The following SHROOM3 variants were observed in gnomAD, a reference collection of about 807,000 sequenced individuals.
SHROOM3 encodes protein Shroom3.
Under a neutral mutation model 138.6 loss-of-function variants are expected in SHROOM3, and 47 were observed. The ratio of observed to expected loss-of-function variants is 0.34; its 90% CI spans 0.27 to 0.43. The LOEUF (loss-of-function observed/expected upper bound fraction) is 0.43, where lower values mean the gene tolerates loss of function less well. Ranked by LOEUF, SHROOM3 falls within the 20% of genes least tolerant of loss-of-function variation. The pLI, the probability that SHROOM3 is intolerant of heterozygous loss-of-function variation, is 1.00. For synonymous variants in SHROOM3, 1,062 were observed against 1,063.3 expected, an observed-to-expected ratio of 1.00 and a Z score of 0.02; for missense variants, 2,491 against 2,596.5, an observed-to-expected ratio of 0.96 and a Z score of 0.88.
intron 2 of SHROOM3, among the ~76,000 whole-genome samples, chr4:76,589,899 A>G (rs1157744231): frequency 1.3e-5 from 2 of 152,154 alleles, no homozygotes; most frequent in Non-Finnish European, 2.9e-5. Flanking sequence ...TCATTATCCT[A>G]GTGTGGAAGA....
At chr4:76,481,086 A>T (rs1288354171) in intron 1 of SHROOM3, among the ~76,000 whole-genome samples, 1 of 152,182 alleles carries the variant, frequency 6.6e-6, no homozygotes, top group Non-Finnish European at 1.5e-5. Context: ...GAGAAGCAAG[A>T]GCAAACAAAT....
intron 2 of SHROOM3, among the ~76,000 whole-genome samples, chr4:76,617,392 A>T (rs559209034): frequency 6.6e-6 from 1 of 152,256 alleles, no homozygotes; most frequent in Non-Finnish European, 1.5e-5. Flanking sequence ...TAAAGAATTT[A>T]TTTAATTCAC....
intron 2 of SHROOM3, among the ~76,000 whole-genome samples, chr4:76,581,055 T>C: frequency 1.3e-5 from 2 of 152,324 alleles, no homozygotes; most frequent in Non-Finnish European, 2.9e-5. Context: ...TGCTAGTTTG[T>C]GTTCCACAAT....
At chr4:76,437,321 C>T (rs547514056) in intron 1 of SHROOM3, among the ~76,000 whole-genome samples, 75 of 152,250 alleles carry the variant, frequency 4.9e-4, no homozygotes, top group African/African-American at 1.7e-3. Flanking sequence ...AAATTCAAAA[C>T]CGAGTTTATA....
intron 1 of SHROOM3, among the ~76,000 whole-genome samples, chr4:76,444,306 A>T (rs1229714801): frequency 2.0e-5 from 3 of 150,380 alleles, no homozygotes; most frequent in South Asian, 2.1e-4. Flanking sequence ...GTATATATAT[A>T]TTTTCATTTT....
chr4:76,453,016 C>T (rs1203201420), intron 1 of SHROOM3, among the ~76,000 whole-genome samples: 2 of 152,094 alleles, frequency 1.3e-5, no homozygotes, highest in Non-Finnish European at 2.9e-5. Context: ...CCGTGCCCAG[C>T]CTAGATATAT....
Position 76,756,509 on chromosome 4 carries a change from T to C in SHROOM3, c.4770T>C (p.His1590=), listed in dbSNP as rs1721819718. The change falls in exon 8 of 11, where the codon CAT becomes CAC. Residue 1590 remains histidine, a synonymous_variant. Coordinates refer to ENST00000296043, the MANE Select transcript of SHROOM3 (RefSeq NM_020859.4). ...AAAGGCACATGCCTGGTGCAGCCCA[T>C]GTGGTAGGTAGTCAGACACTGGCTT... ...ARERHMPGAA[H]VVGSQTLASR... is the part of the protein sequence containing the mutation. 19 of 1,613,368 alleles carry C rather than the reference T, an allele frequency of 1.2e-5. No homozygotes were observed. The highest frequency in any genetic ancestry group is 1.5e-5 in the Non-Finnish European group (18 of 1,179,932).
chr4:76,756,078 A>T (rs1721801046), intron 7 of SHROOM3, among the ~76,000 whole-genome samples: 1 of 152,154 alleles, frequency 6.6e-6, no homozygotes, highest in Non-Finnish European at 1.5e-5. Context: ...CAACCTCCTG[A>T]CCAGCTGCTG....
At chr4:76,484,243 A>G (rs1731680369) in intron 1 of SHROOM3, among the ~76,000 whole-genome samples, 2 of 152,146 alleles carry the variant, frequency 1.3e-5, no homozygotes, top group African/African-American at 4.8e-5. Flanking sequence ...CTCATTATGA[A>G]CAGGAAATAG....
chr4:76,626,857 G>A (rs1735159926), intron 2 of SHROOM3, among the ~76,000 whole-genome samples: 1 of 152,140 alleles, frequency 6.6e-6, no homozygotes, highest in Admixed American at 6.5e-5. Flanking sequence ...CTCAGGCATT[G>A]GATGTTTGTA....
chr4:76,436,085 T>A lies in SHROOM3; in HGVS notation c.33T>A (p.Pro11=), dbSNP rs1311914735. The A allele has an allele frequency of 5.0e-6, 8 of 1,614,050 alleles. No homozygotes were observed. In the East Asian group the frequency reaches 1.8e-4, roughly 36 times the overall value. The stretch of plus-strand genomic sequence containing the variant: ...GGACCACTGAAGACTTCCACAAGCC[T>A]AGTGCCACATTAAACTCTAACACGG... MMRTTEDFHK[P]SATLNSNTAT... is the part of the protein sequence containing the mutation. The change falls in exon 1 of 11, where the codon CCT becomes CCA. Residue 11 remains proline, a synonymous_variant. Coordinates refer to ENST00000296043, the MANE Select transcript of SHROOM3 (RefSeq NM_020859.4).
At chr4:76,713,103 G>A (rs143045067) in intron 3 of SHROOM3, among the ~76,000 whole-genome samples, 1 of 152,338 alleles carries the variant, frequency 6.6e-6, no homozygotes, top group East Asian at 1.9e-4. Flanking sequence ...GTGAGTGAAC[G>A]TGAAGGCCGG....
intron 1 of SHROOM3, among the ~76,000 whole-genome samples, chr4:76,445,799 A>C (rs1012047477): frequency 6.6e-6 from 1 of 152,114 alleles, no homozygotes; most frequent in Non-Finnish European, 1.5e-5. Context: ...GGAGGTTTTT[A>C]GTACTGGCTC....
rs756383433 is a variant in SHROOM3, at chr4:76,740,492, G to T, written c.2319G>T (p.Gln773His). The T allele has an allele frequency of 3.1e-6, 5 of 1,613,114 alleles. No individual in the cohort carries two copies. In the African/African-American group the frequency reaches 5.3e-5, roughly 17 times the overall value. The change falls in exon 5 of 11, where the codon CAG becomes CAT. Residue 773 changes from glutamine (Q) to histidine (H), a missense_variant. By Grantham distance (24) the Gln-to-His change is conservative. This residue lies in a region of SHROOM3 where 1,733 missense variants were observed against 1,661.6 expected (regional missense o/e 1.04). Transcript: ENST00000296043. The surrounding 1 kb of genome is among the most constrained non-coding windows in gnomAD (Gnocchi z 4.0). ...PGSASALQGFQYGKPHCSVLE... is the reference protein window; with the variant it reads ...PGSASALQGFHYGKPHCSVLE... Reference sequence around the variant, plus strand: ...GCGCCTCGGCTCTTCAGGGCTTTCAGTACGGGAAGCCCCACTGCTCGGTGC... The same window carrying T: ...GCGCCTCGGCTCTTCAGGGCTTTCATTACGGGAAGCCCCACTGCTCGGTGC...
chr4:76,708,160 T>C (rs1456730784), intron 2 of SHROOM3, among the ~76,000 whole-genome samples: 2 of 152,198 alleles, frequency 1.3e-5, no homozygotes, highest in African/African-American at 4.8e-5. Context: ...TGCTGGTCTC[T>C]GCTTTTCTAG....
chr4:76,779,014 A>G lies in SHROOM3; in HGVS notation c.5828A>G (p.Lys1943Arg). ...CAACGGAAGCTGGATGACAAGATCA[A>G]GCTGGGCCAGGAGCAGGTCAAGTGT... Reference protein sequence around the residue: ...IEQRKLDDKIKLGQEQVKCLL... With the variant: ...IEQRKLDDKIRLGQEQVKCLL... The change falls in exon 11 of 11, where the codon AAG (lysine) becomes AGG (arginine). Residue 1943 changes from lysine (K) to arginine (R), a missense_variant. Lys to Arg is a conservative substitution (Grantham distance 26, BLOSUM62 2). Transcript: ENST00000296043. 6.2e-7 allele frequency: 1 copy of G among 1,614,240 alleles called. No individual in the cohort carries two copies.
intron 2 of SHROOM3, among the ~76,000 whole-genome samples, chr4:76,676,256 AAGG>A (rs1179967230): frequency 6.6e-6 from 1 of 152,200 alleles, no homozygotes; most frequent in Non-Finnish European, 1.5e-5. Flanking sequence ...AAAGGGGGAC[AAGG>A]AGGATAGCCT....
At chr4:76,660,959 C>T (rs576242947) in intron 2 of SHROOM3, among the ~76,000 whole-genome samples, 22 of 151,842 alleles carry the variant, frequency 1.4e-4, no homozygotes, top group African/African-American at 4.3e-4. Context: ...ACCACCATGC[C>T]GGCTTAATTT....
chr4:76,692,257 T>C (rs963802155), intron 2 of SHROOM3, among the ~76,000 whole-genome samples: 3 of 152,228 alleles, frequency 2.0e-5, no homozygotes, highest in African/African-American at 7.2e-5. Context: ...TTTCTTATGC[T>C]GTTGTAACAC....
Sources: allele counts gnomAD v4.1 joint callset (sites outside exome capture counted in the v4.1 genomes callset), GRCh38; gene constraint gnomAD v4.1.1; regional missense constraint gnomAD v4.1.1; non-coding constraint Gnocchi (gnomAD v3.1); transcripts MANE v1.5; gene names NCBI Gene and HGNC (gene_info 2026-07-23, HGNC 2026-07-21).